Variants in ERC2 observed in about 807,000 individuals in gnomAD.
The protein encoded by ERC2 is ELKS/RAB6-interacting/CAST family member 2, also known as ERC protein 2.
In ERC2, 42 loss-of-function variants were observed where a neutral mutation model predicts 114.8. That is an observed-to-expected ratio of 0.37 (90% CI 0.29 to 0.47). ERC2 has a LOEUF of 0.47. ERC2 is among the 20% of genes least tolerant of loss of function. ERC2 has a pLI of 0.99. For missense variants in ERC2, 939 were observed against 1,150.7 expected (o/e 0.82, Z 2.66); for synonymous variants, 454 against 425.5 (o/e 1.07, Z -0.82).
At chr3:55,728,988 A>G (rs1421971750) in intron 15 of ERC2, among the ~76,000 whole-genome samples, 2 of 152,192 alleles carry the variant, frequency 1.3e-5, no homozygotes, top group Non-Finnish European at 2.9e-5. Flanking sequence ...TTGAGACTCC[A>G]TGGAGGCTGG....
At chr3:56,361,249 G>C (rs1257530913) in intron 2 of ERC2, among the ~76,000 whole-genome samples, 2 of 152,232 alleles carry the variant, frequency 1.3e-5, no homozygotes, top group African/African-American at 4.8e-5. Context: ...AATGGGATGA[G>C]CTGAAGGCAC....
chr3:56,463,850 T>C (rs1448965176), intron 1 of ERC2, among the ~76,000 whole-genome samples: 1 of 152,224 alleles, frequency 6.6e-6, no homozygotes, highest in Non-Finnish European at 1.5e-5. Context: ...CACCTATTCC[T>C]AATGATAAGT....
At chr3:56,196,497 T>G (rs1410279591) in intron 3 of ERC2, among the ~76,000 whole-genome samples, 1 of 150,112 alleles carries the variant, frequency 6.7e-6, no homozygotes, top group Non-Finnish European at 1.5e-5. Context: ...TGCCTTCTTT[T>G]TTTTTTTTTT....
intron 2 of ERC2, among the ~76,000 whole-genome samples, chr3:56,304,277 C>G (rs970705955): frequency 1.3e-5 from 2 of 152,110 alleles, no homozygotes; most frequent in African/African-American, 4.8e-5. Context: ...AATGAGTACA[C>G]ATAGGAAATA....
At chr3:55,872,487 G>A (rs2062629578) in intron 14 of ERC2, among the ~76,000 whole-genome samples, 1 of 152,146 alleles carries the variant, frequency 6.6e-6, no homozygotes, top group African/African-American at 2.4e-5. Flanking sequence ...AACTTCAATA[G>A]AAAAGCCTTC....
At chr3:55,770,231 A>C (rs1276745500) in intron 14 of ERC2, among the ~76,000 whole-genome samples, 1 of 152,220 alleles carries the variant, frequency 6.6e-6, no homozygotes, top group Admixed American at 6.5e-5. Flanking sequence ...CCCATGGCTG[A>C]CATGCAACCA....
intron 12 of ERC2, among the ~76,000 whole-genome samples, chr3:55,984,411 T>A (rs1226163953): frequency 6.6e-6 from 1 of 151,958 alleles, no homozygotes; most frequent in Non-Finnish European, 1.5e-5. Context: ...GCAAAAGGGA[T>A]CCCTGGATCT....
At position 55,647,773 on chromosome 3, in the gene ERC2, T is replaced by C. The variant is rs115780439; in HGVS notation, c.*39+36021A>G. On this transcript the variant is annotated intron_variant, in intron 17 of 17. Coordinates refer to ENST00000288221, the MANE Select transcript of ERC2 (RefSeq NM_015576.3). The stretch of plus-strand genomic sequence containing the variant: ...GGGATGCTTATCTGATCTAGGCCCA[T>C]CTTTCTTCATGTTTCAATCCCAGAA... Among the ~76,000 whole-genome samples the C allele has an allele frequency of 7.2e-3, 1,093 of 152,314 alleles. 14 individuals carry two copies. Among genetic ancestry groups the C allele is most frequent in the African/African-American group, 0.025 (1,059 of 41,562 alleles).
chr3:56,192,996 A>G (rs1469542518), intron 3 of ERC2, among the ~76,000 whole-genome samples: 1 of 152,212 alleles, frequency 6.6e-6, no homozygotes, highest in Non-Finnish European at 1.5e-5. Context: ...TGCACTGTCC[A>G]TAAACTACCT....
chr3:56,172,100 G>C (rs1186215717), intron 4 of ERC2, among the ~76,000 whole-genome samples: 1 of 150,030 alleles, frequency 6.7e-6, no homozygotes, highest in Non-Finnish European at 1.5e-5. Context: ...GATAAACTCT[G>C]AATTATGAAC....
chr3:56,443,359 G>A (rs2062406475), intron 1 of ERC2, among the ~76,000 whole-genome samples: 1 of 152,184 alleles, frequency 6.6e-6, no homozygotes, highest in South Asian at 2.1e-4. Flanking sequence ...ATTTTAGTTA[G>A]CGACGTAGGC....
At chr3:55,928,553 T>C (rs976040989) in intron 13 of ERC2, among the ~76,000 whole-genome samples, 2 of 152,212 alleles carry the variant, frequency 1.3e-5, no homozygotes, top group African/African-American at 2.4e-5. Context: ...TTTCCCATTC[T>C]GTAGGCTGTC....
intron 7 of ERC2, among the ~76,000 whole-genome samples, chr3:56,036,797 C>T (rs2074835285): frequency 6.6e-6 from 1 of 152,212 alleles, no homozygotes; most frequent in African/African-American, 2.4e-5. Context: ...GCCCATGCCA[C>T]CAGAGCCGTG....
At chr3:55,950,906 G>T (rs1417797435) in intron 12 of ERC2, among the ~76,000 whole-genome samples, 1 of 152,220 alleles carries the variant, frequency 6.6e-6, no homozygotes, top group Non-Finnish European at 1.5e-5. Context: ...ACAGTGATGT[G>T]CATGTGTGGA....
At chr3:55,565,594 G>GA (rs899590643) in intron 17 of ERC2, among the ~76,000 whole-genome samples, 67 of 143,472 alleles carry the variant, frequency 4.7e-4, no homozygotes, top group East Asian at 3.8e-3. Flanking sequence ...AAACCACTCA[G>GA]AAAAAAAAAA....
At chr3:55,583,049 A>G (rs979143877) in intron 17 of ERC2, among the ~76,000 whole-genome samples, 32 of 152,344 alleles carry the variant, frequency 2.1e-4, no homozygotes, top group African/African-American at 7.2e-4. Context: ...CAGAAACTAA[A>G]CATAGTAAGT....
rs1055779443 is a variant in ERC2 at position 56,142,194 on chromosome 3, T to A, written c.1306-2518A>T. On this transcript the variant is annotated intron_variant, in intron 5 of 17. Coordinates refer to ENST00000288221, the MANE Select transcript of ERC2 (RefSeq NM_015576.3). ...AAAGAATTTTTTGTTTCATCTAAAT[T>A]TTCACACTTATTTGCAGGAAACGTC... Among the ~76,000 whole-genome samples, 4 of 152,272 alleles carry A rather than the reference T, an allele frequency of 2.6e-5. No individual in the cohort carries two copies. In the East Asian group the frequency reaches 7.7e-4, roughly 29 times the overall value.
chr3:56,323,157 T>C (rs1018093709), intron 2 of ERC2, among the ~76,000 whole-genome samples: 4 of 152,170 alleles, frequency 2.6e-5, no homozygotes, highest in Non-Finnish European at 1.5e-5. Flanking sequence ...TCAAATAAAC[T>C]TCTTTATAAA....
intron 2 of ERC2, among the ~76,000 whole-genome samples, chr3:56,371,335 T>G (rs2059356256): frequency 6.6e-6 from 1 of 152,206 alleles, no homozygotes; most frequent in South Asian, 2.1e-4. Context: ...ATACTGCACT[T>G]TTAATTAGCC....
Sources: allele counts gnomAD v4.1 joint callset (sites outside exome capture counted in the v4.1 genomes callset), GRCh38; gene constraint gnomAD v4.1.1; transcripts MANE v1.5; gene names NCBI Gene and HGNC (gene_info 2026-07-23, HGNC 2026-07-21).